PPP1CB: variants seen among roughly 807,000 people sequenced by gnomAD.
PPP1CB encodes the protein serine/threonine-protein phosphatase PP1-beta catalytic subunit.
A neutral mutation model predicts 43.7 loss-of-function variants in PPP1CB; 2 were observed. The observed-to-expected ratio is 0.05, with a 90% CI of 0.02 to 0.14. The LOEUF is 0.14. Ranked by LOEUF, PPP1CB falls within the 10% of genes least tolerant of loss-of-function variation. The pLI is 1.00. For synonymous variants in PPP1CB, 136 were observed against 135.6 expected (o/e 1.00, Z -0.02); for missense variants, 84 against 398.0 (o/e 0.21, Z 6.71).
intron 1 of PPP1CB, among the ~76,000 whole-genome samples, chr2:28,760,178 A>C (rs1384201232): frequency 6.6e-6 from 1 of 152,232 alleles, no homozygotes; most frequent in African/African-American, 2.4e-5. Flanking sequence ...ATTTTTAAAA[A>C]TAGGAAAAGG....
rs55736905 is a variant in PPP1CB, at chr2:28,800,226, CTTTTTTTTTTT to C, written c.*936_*946del. On this transcript the variant is annotated 3_prime_UTR_variant, in exon 8 of 8. Coordinates refer to ENST00000395366, the MANE Select transcript of PPP1CB (RefSeq NM_002709.3). ...TTGGTTTTCTTTTTCTTTTTTCTTT[CTTTTTTTTTTT>C]TTTTTTTTTTTTGAGTTGTTGTTTG... 1.5e-5 allele frequency: 1 copy of C among 65,628 alleles called. No homozygotes were observed. The highest frequency in any genetic ancestry group is 2.7e-5 in the Non-Finnish European group (1 of 36,888). 4.1% of individuals were successfully genotyped at this position (65,628 alleles called of 1,614,324 possible).
chr2:28,796,243 C>G (rs887056861), intron 7 of PPP1CB, among the ~76,000 whole-genome samples: 1 of 151,654 alleles, frequency 6.6e-6, no homozygotes, highest in Non-Finnish European at 1.5e-5. Flanking sequence ...TGGCTTTGTT[C>G]TTTTTGCTTA....
chr2:28,773,679 A>G (rs928407868), intron 1 of PPP1CB, among the ~76,000 whole-genome samples: 3 of 151,820 alleles, frequency 2.0e-5, no homozygotes, highest in Non-Finnish European at 4.4e-5. Flanking sequence ...CCTTTTTTTC[A>G]GAAGTCTTGA....
chr2:28,752,066 C>A lies in PPP1CB; in HGVS notation c.-59C>A. On this transcript the variant is annotated 5_prime_UTR_variant, in exon 1 of 8. Coordinates refer to ENST00000395366, the MANE Select transcript of PPP1CB (RefSeq NM_002709.3). Reference sequence around the variant, plus strand: ...AGAGAACGCCGAGCCGTCGCCGCAGCCTCCGCCGCCGAGAAGCCCTTGTTC... The same window carrying A: ...AGAGAACGCCGAGCCGTCGCCGCAGACTCCGCCGCCGAGAAGCCCTTGTTC... 1 of 1,511,986 alleles carries A rather than the reference C, an allele frequency of 6.6e-7. No individual in the cohort carries two copies. The highest frequency in any genetic ancestry group is 9.0e-7 in the Non-Finnish European group (1 of 1,111,810). The allele number at this position is 1,511,986 out of a possible 1,614,324, so 93.7% of individuals were successfully genotyped here.
At chr2:28,752,967 CGCA>C (rs1381022755) in intron 1 of PPP1CB, among the ~76,000 whole-genome samples, 1 of 152,118 alleles carries the variant, frequency 6.6e-6, no homozygotes, top group Non-Finnish European at 1.5e-5. Flanking sequence ...TGTAGGTCTA[CGCA>C]GCATTTGAAC....
intron 7 of PPP1CB, among the ~76,000 whole-genome samples, 160 bp from the exon 8 acceptor site, chr2:28,799,039 G>A (rs1667554395): frequency 1.3e-5 from 2 of 152,058 alleles, no homozygotes; most frequent in African/African-American, 4.8e-5. Flanking sequence ...ACAAAGTTCA[G>A]ACATTTGCAC....
At chr2:28,798,130 T>A (rs1447408975) in intron 7 of PPP1CB, among the ~76,000 whole-genome samples, 2 of 152,138 alleles carry the variant, frequency 1.3e-5, no homozygotes, top group Non-Finnish European at 2.9e-5. Context: ...AAATAGTTTT[T>A]AAAAAATACT....
intron 1 of PPP1CB, among the ~76,000 whole-genome samples, chr2:28,771,040 T>G (rs926844022): frequency 4.3e-5 from 3 of 69,978 alleles, no homozygotes; most frequent in African/African-American, 1.0e-4. Flanking sequence ...TATTCCCTGC[T>G]CCCCCCCCCC....
intron 1 of PPP1CB, among the ~76,000 whole-genome samples, chr2:28,756,816 AT>A (rs1247192071): frequency 6.9e-6 from 1 of 144,740 alleles, no homozygotes; most frequent in African/African-American, 2.6e-5. Flanking sequence ...GTTAAAAAAA[AT>A]GAATGGATTT....
intron 1 of PPP1CB, 147 bp downstream of exon 1, chr2:28,752,323 G>C (rs1666324768): frequency 5.0e-6 from 4 of 798,780 alleles, no homozygotes; most frequent in African/African-American, 1.8e-5. Context: ...GAACCGAGGA[G>C]GGGGCGAGGA....
At chr2:28,777,138 G>A in intron 2 of PPP1CB, 156 bp downstream of exon 2, 1 of 697,112 alleles carries the variant, frequency 1.4e-6, no homozygotes, top group Non-Finnish European at 2.2e-6. Flanking sequence ...TTATAAAAAT[G>A]ACAAGTTACA....
At chr2:28,778,546 A>G (rs112422938) in intron 2 of PPP1CB, 75 of 503,264 alleles carry the variant, frequency 1.5e-4, no homozygotes, top group Middle Eastern at 1.3e-3. Context: ...GCTACGTGGG[A>G]TGCTTCATTA....
At chr2:28,784,980 C>T (rs1211482796) in intron 5 of PPP1CB, among the ~76,000 whole-genome samples, 1 of 145,666 alleles carries the variant, frequency 6.9e-6, no homozygotes, top group African/African-American at 2.5e-5. Flanking sequence ...CTCAGAACTA[C>T]ACATCAACCA....
chr2:28,795,581 A>G lies in PPP1CB; in HGVS notation c.879+1584A>G, dbSNP rs151210228. The stretch of plus-strand genomic sequence containing the variant: ...ATAGTGATGATGAGCATTTTTTCAT[A>G]TATTTGTTGGCTGCACGTTTGTTTT... On this transcript the variant is annotated intron_variant, in intron 7 of 7. Coordinates refer to ENST00000395366, the MANE Select transcript of PPP1CB (RefSeq NM_002709.3). Among the ~76,000 whole-genome samples the G allele has an allele frequency of 1.8e-3, 277 of 152,108 alleles. 1 individual carries two copies. Among genetic ancestry groups the G allele is most frequent in the Non-Finnish European group, 2.4e-3 (164 of 67,968 alleles).
chr2:28,794,865 G>T (rs77382572), intron 7 of PPP1CB, among the ~76,000 whole-genome samples: 1 of 151,956 alleles, frequency 6.6e-6, no homozygotes, highest in East Asian at 1.9e-4. Flanking sequence ...ATTTATGTAC[G>T]TACTAGGTTC....
chr2:28,753,336 T>A (rs947898374), intron 1 of PPP1CB, among the ~76,000 whole-genome samples: 1 of 152,216 alleles, frequency 6.6e-6, no homozygotes, highest in Non-Finnish European at 1.5e-5. Flanking sequence ...AATATTGTAA[T>A]GGGGGAGGGG....
chr2:28,781,302 G>A (rs181447467), intron 3 of PPP1CB, among the ~76,000 whole-genome samples: 6 of 152,024 alleles, frequency 3.9e-5, no homozygotes, highest in Admixed American at 6.6e-5. Flanking sequence ...GTTAAATCCC[G>A]CTGATTTAAC....
intron 1 of PPP1CB, among the ~76,000 whole-genome samples, chr2:28,769,879 AAG>A (rs1179884487): frequency 3.9e-5 from 6 of 152,194 alleles, no homozygotes; most frequent in Admixed American, 2.0e-4. Flanking sequence ...AATGCAGGGA[AAG>A]AGAGAGGAAT....
intron 1 of PPP1CB, among the ~76,000 whole-genome samples, chr2:28,770,414 A>G (rs185501863): frequency 5.6e-4 from 85 of 151,322 alleles, no homozygotes; most frequent in African/African-American, 2.0e-3. Context: ...GGGAGACGAT[A>G]TCATGCACAC....
Sources: gnomAD v4.1 joint callset for allele counts (sites outside exome capture counted in the v4.1 genomes callset) on GRCh38, gnomAD v4.1.1 for gene constraint, MANE v1.5 for transcripts, NCBI Gene and HGNC (gene_info 2026-07-23, HGNC 2026-07-21) for gene names.